Variants in BST1 observed in about 807,000 individuals in gnomAD.
BST1 encodes the protein ADP-ribosyl cyclase/cyclic ADP-ribose hydrolase 2.
BST1 carries 49 observed loss-of-function variants against 40.6 expected under a neutral mutation model. That is an observed-to-expected ratio of 1.21 (90% CI 0.96 to 1.53). BST1 has a LOEUF of 1.53. Ranked by LOEUF, BST1 falls within the 40% of genes most tolerant of loss-of-function variation. BST1 has a pLI of 0.00. For missense variants in BST1, 423 were observed against 395.9 expected, an observed-to-expected ratio of 1.07 and a Z score of -0.58; for synonymous variants, 157 against 159.3, an observed-to-expected ratio of 0.99 and a Z score of 0.11.
the BST1 span, among the ~76,000 whole-genome samples, chr4:15,764,873 G>GGTGTGTGTGTGT: frequency 1.5e-3 from 203 of 137,456 alleles, no homozygotes; most frequent in Middle Eastern, 0.023. Context: ...AATTAGGTGA[G>GGTGTGTGTGTGT]GTGTGTGTGT....
At chr4:15,726,553 G>A (rs73123615) in intron 8 of BST1, among the ~76,000 whole-genome samples, 20,517 of 152,168 alleles carry the variant, frequency 0.13, 2,600 homozygotes, top group East Asian at 0.52. Context: ...GGAAAAGGGG[G>A]AATAAAGTTG....
At chr4:15,709,654 A>G (rs1017233669) in intron 3 of BST1, among the ~76,000 whole-genome samples, 1 of 152,198 alleles carries the variant, frequency 6.6e-6, no homozygotes, top group African/African-American at 2.4e-5. Context: ...ATGCCCTCCT[A>G]TCAGGGCTCT....
At chr4:15,772,629 TCA>T in the BST1 span, among the ~76,000 whole-genome samples, 2 of 152,206 alleles carry the variant, frequency 1.3e-5, no homozygotes, top group South Asian at 4.1e-4. Context: ...GGGTATTGTC[TCA>T]GGAGATCTGT....
intron 6 of BST1, among the ~76,000 whole-genome samples, chr4:15,718,492 A>G (rs763153206): frequency 6.6e-6 from 1 of 152,246 alleles, no homozygotes; most frequent in Non-Finnish European, 1.5e-5. Flanking sequence ...AATATTTTAA[A>G]ATTTGTATGT....
At chr4:15,757,107 T>C in the BST1 span, among the ~76,000 whole-genome samples, 54 of 152,222 alleles carry the variant, frequency 3.5e-4, no homozygotes, top group Non-Finnish European at 6.5e-4. Context: ...CAAACTTTTA[T>C]TCACCTTATA....
chr4:15,747,643 A>G, the BST1 span, among the ~76,000 whole-genome samples: 1 of 152,150 alleles, frequency 6.6e-6, no homozygotes, highest in Non-Finnish European at 1.5e-5. Flanking sequence ...CACAGTAGTA[A>G]ATAAATCTTA....
chr4:15,735,994 T>C, downstream of BST1: 1 of 1,061,322 alleles, frequency 9.4e-7, no homozygotes, highest in Non-Finnish European at 1.3e-6. Context: ...TCTGTCATAC[T>C]GCACGCAGAG....
chr4:15,748,574 G>A, the BST1 span, among the ~76,000 whole-genome samples: 1 of 152,174 alleles, frequency 6.6e-6, no homozygotes, highest in Non-Finnish European at 1.5e-5. Flanking sequence ...CCAGGGCTGG[G>A]AATAGAGACC....
downstream of BST1, among the ~76,000 whole-genome samples, chr4:15,736,780 C>G (rs531278285): frequency 6.6e-6 from 1 of 152,304 alleles, no homozygotes; most frequent in Admixed American, 6.5e-5. Context: ...CTCCTCGAAG[C>G]CTTACTTAGT....
At chr4:15,759,056 T>C in the BST1 span, among the ~76,000 whole-genome samples, 11 of 152,108 alleles carry the variant, frequency 7.2e-5, no homozygotes, top group South Asian at 2.1e-4. Context: ...TATCTGTGTG[T>C]CCTCAGTTAA....
chr4:15,715,885 G>C, intron 6 of BST1, 86 bp downstream of exon 6: 1 of 1,022,952 alleles, frequency 9.8e-7, no homozygotes, highest in Non-Finnish European at 1.4e-6. Context: ...AACATTTTCA[G>C]TTTAGGGGAA....
chr4:15,705,421 A>G, intron 1 of BST1, 94 bp from the exon 2 acceptor site: 3 of 1,405,524 alleles, frequency 2.1e-6, no homozygotes, highest in Non-Finnish European at 2.9e-6. Flanking sequence ...ACTATATGAA[A>G]AATCTCTTGT....
At chr4:15,751,961 A>C in the BST1 span, among the ~76,000 whole-genome samples, 1 of 152,204 alleles carries the variant, frequency 6.6e-6, no homozygotes, top group Admixed American at 6.5e-5. Context: ...TAAGACTAGA[A>C]AATGAATTAT....
At chr4:15,745,557 C>G in the BST1 span, among the ~76,000 whole-genome samples, 5,101 of 152,218 alleles carry the variant, frequency 0.034, 286 homozygotes, top group African/African-American at 0.12. Context: ...TCTGGACTGT[C>G]TGCAGAGCCC....
At chr4:15,746,044 G>A in the BST1 span, among the ~76,000 whole-genome samples, 1 of 152,190 alleles carries the variant, frequency 6.6e-6, no homozygotes, top group Non-Finnish European at 1.5e-5. Flanking sequence ...CATAGTCAAG[G>A]TGAATGAACT....
downstream of BST1, among the ~76,000 whole-genome samples, chr4:15,736,577 T>C (rs1189717831): frequency 6.6e-6 from 1 of 150,638 alleles, no homozygotes; most frequent in South Asian, 2.1e-4. Context: ...TCCACTGCAC[T>C]CCAGCCTGGG....
chr4:15,733,772 G>C (rs1442561496), downstream of BST1, among the ~76,000 whole-genome samples: 1 of 152,146 alleles, frequency 6.6e-6, no homozygotes, highest in Non-Finnish European at 1.5e-5. Flanking sequence ...TAAACCATCC[G>C]AAACCACCTC....
intron 7 of BST1, among the ~76,000 whole-genome samples, chr4:15,719,516 T>TAAA (rs201169464): frequency 4.0e-5 from 6 of 151,312 alleles, no homozygotes; most frequent in African/African-American, 1.5e-4. Context: ...ATTTTTTTTT[T>TAAA]AAAAAACTTG....
intron 7 of BST1, among the ~76,000 whole-genome samples, chr4:15,719,515 T>A (rs12645405): frequency 0.38 from 56,887 of 151,234 alleles, 12,804 homozygotes; most frequent in African/African-American, 0.63. Flanking sequence ...CATTTTTTTT[T>A]TAAAAAACTT....
Sources: gnomAD v4.1 joint callset for allele counts (sites outside exome capture counted in the v4.1 genomes callset) on GRCh38, gnomAD v4.1.1 for gene constraint, MANE v1.5 for transcripts, NCBI Gene and HGNC (gene_info 2026-07-23, HGNC 2026-07-21) for gene names.